Variants in ARHGAP25 observed in about 807,000 individuals in gnomAD.
The protein encoded by ARHGAP25 is rho GTPase-activating protein 25.
In ARHGAP25, 34 loss-of-function variants were observed where a neutral mutation model predicts 71.0. That is an observed-to-expected ratio of 0.48 (90% CI 0.36 to 0.64). The LOEUF is 0.64. Ranked by LOEUF, ARHGAP25 falls within the 30% of genes least tolerant of loss-of-function variation. The pLI, the probability that ARHGAP25 is intolerant of heterozygous loss-of-function variation, is 0.00. For synonymous variants in ARHGAP25, 282 were observed against 296.5 expected (o/e 0.95, Z 0.50); for missense variants, 706 against 805.1 (o/e 0.88, Z 1.49).
chr2:68,771,316 G>T (rs554977150), intron 1 of ARHGAP25, among the ~76,000 whole-genome samples: 1 of 152,012 alleles, frequency 6.6e-6, no homozygotes, highest in African/African-American at 2.4e-5. Flanking sequence ...CCAACCCTCC[G>T]CCTGGTTCAG....
intron 2 of ARHGAP25, among the ~76,000 whole-genome samples, chr2:68,776,124 G>A (rs576246387): frequency 3.3e-5 from 5 of 152,100 alleles, no homozygotes; most frequent in African/African-American, 4.8e-5. Flanking sequence ...GAGAACGGCC[G>A]GTGCTAAGGC....
At position 68,782,925 on chromosome 2, in the gene ARHGAP25, C is replaced by T. The variant is rs1006723208; in HGVS notation, c.349+605C>T. ...GAGATGCTTCTACTCTTCTCCCTGT[C>T]TCTTGCTCCTCTGCTAGCCCTAGCC... On this transcript the variant is annotated intron_variant, in intron 3 of 10. Coordinates refer to ENST00000409202, the MANE Select transcript of ARHGAP25 (RefSeq NM_001007231.3). Among the ~76,000 whole-genome samples, 3 of 152,254 alleles carry T rather than the reference C, an allele frequency of 2.0e-5. No individual in the cohort carries two copies. The South Asian group carries it at 6.2e-4, about 31-fold the overall frequency.
intron 3 of ARHGAP25, among the ~76,000 whole-genome samples, chr2:68,785,692 C>G (rs1273903749): frequency 6.6e-6 from 1 of 151,978 alleles, no homozygotes; most frequent in Non-Finnish European, 1.5e-5. Context: ...TAAGGACTCC[C>G]CACTCAACTT....
chr2:68,816,331 G>A lies in ARHGAP25; in HGVS notation c.850G>A (p.Asp284Asn), dbSNP rs571854093. The change falls in exon 7 of 11, where the codon GAC becomes AAC. Residue 284 changes from aspartate (D) to asparagine (N), a missense_variant. By Grantham distance (23) the Asp-to-Asn change is conservative. Transcript: ENST00000409202. ...LMKQLSILPR[D>N]NYSLLSYICR... is the part of the protein sequence containing the mutation. ...GAAGCAGCTCTCCATCCTTCCTCGT[G>A]ACAACTATAGTCTCCTGAGCTACAT... The A allele has an allele frequency of 3.1e-6, 5 of 1,613,886 alleles. No homozygotes were observed. In the African/African-American group the frequency reaches 5.3e-5, roughly 17 times the overall value.
intron 5 of ARHGAP25, among the ~76,000 whole-genome samples, chr2:68,813,051 T>G (rs937710653): frequency 1.3e-5 from 2 of 152,240 alleles, no homozygotes; most frequent in African/African-American, 4.8e-5. Context: ...ACCTTGAACT[T>G]ACCTTTGAGG....
intron 9 of ARHGAP25, among the ~76,000 whole-genome samples, chr2:68,820,500 T>A (rs918760921): frequency 2.6e-5 from 4 of 152,156 alleles, no homozygotes; most frequent in Non-Finnish European, 5.9e-5. Flanking sequence ...AGCAAGCAAT[T>A]GGCTGCAAAG....
At chr2:68,760,877 A>C (rs1676769625) in intron 1 of ARHGAP25, among the ~76,000 whole-genome samples, 1 of 124,354 alleles carries the variant, frequency 8.0e-6, no homozygotes, top group South Asian at 2.9e-4. Context: ...AAAAAAAAAA[A>C]AAAATTTTTG....
At chr2:68,735,324 T>C in intron 1 of ARHGAP25, 64 bp downstream of exon 1, 1 of 1,509,750 alleles carries the variant, frequency 6.6e-7, no homozygotes, top group South Asian at 1.1e-5. Flanking sequence ...CATTTGCATG[T>C]TGGTCTGCAG....
At chr2:68,781,718 A>C (rs1260243796) in intron 2 of ARHGAP25, among the ~76,000 whole-genome samples, 1 of 152,208 alleles carries the variant, frequency 6.6e-6, no homozygotes, top group Non-Finnish European at 1.5e-5. Flanking sequence ...ACATAATGAT[A>C]CTTTCCTTAG....
chr2:68,738,288 G>A (rs951868738), intron 1 of ARHGAP25, among the ~76,000 whole-genome samples: 5 of 152,152 alleles, frequency 3.3e-5, no homozygotes, highest in African/African-American at 4.8e-5. Flanking sequence ...AGGTTACAGG[G>A]CTTTCTTGAA....
chr2:68,752,751 G>T (rs1676250580), intron 1 of ARHGAP25, among the ~76,000 whole-genome samples: 1 of 150,048 alleles, frequency 6.7e-6, no homozygotes, highest in African/African-American at 2.5e-5. Context: ...AAATGTGCTT[G>T]ATTTCTACTC....
chr2:68,741,625 C>T (rs1034505215), intron 1 of ARHGAP25, among the ~76,000 whole-genome samples: 5 of 152,076 alleles, frequency 3.3e-5, no homozygotes, highest in South Asian at 4.2e-4. Flanking sequence ...AGGCTGGTCT[C>T]GAACTCCTGG....
intron 3 of ARHGAP25, among the ~76,000 whole-genome samples, chr2:68,785,585 A>G (rs1355944705): frequency 1.3e-5 from 2 of 151,094 alleles, no homozygotes. Context: ...GACATATTAA[A>G]TAATATCTCC....
At chr2:68,769,285 A>G (rs374580319) in intron 1 of ARHGAP25, among the ~76,000 whole-genome samples, 291 of 152,244 alleles carry the variant, frequency 1.9e-3, no homozygotes, top group Non-Finnish European at 3.4e-3. Flanking sequence ...TAATAATGTT[A>G]ATAATAATAG....
Position 68,813,371 on chromosome 2 carries a change from C to CA in ARHGAP25, c.759_760insA (p.Glu254ArgfsTer14). The CA allele has an allele frequency of 6.2e-7, 1 of 1,613,472 alleles. No homozygotes were observed. The highest frequency in any genetic ancestry group is 8.5e-7 in the Non-Finnish European group (1 of 1,179,888). ...AGCCCGTGGTTCCCTGGAGCCAGTA[C>CA]GAAGGGTTCCTGCTCTGTGGGCAGC... On this transcript the variant is annotated frameshift_variant, in exon 6 of 11. Transcript: ENST00000409202. LOFTEE classifies it high-confidence loss of function.
At chr2:68,815,082 G>C (rs1681103121) in intron 6 of ARHGAP25, among the ~76,000 whole-genome samples, 1 of 152,230 alleles carries the variant, frequency 6.6e-6, no homozygotes, top group African/African-American at 2.4e-5. Flanking sequence ...CTGACAATAA[G>C]ATTCCCACCC....
intron 1 of ARHGAP25, among the ~76,000 whole-genome samples, chr2:68,749,912 G>A (rs774136126): frequency 1.1e-4 from 16 of 152,166 alleles, no homozygotes; most frequent in Non-Finnish European, 2.2e-4. Flanking sequence ...TTATCATAGT[G>A]GTTTTGAGTT....
chr2:68,792,271 AG>A (rs1430372801), intron 4 of ARHGAP25, among the ~76,000 whole-genome samples: 1 of 152,212 alleles, frequency 6.6e-6, no homozygotes, highest in Non-Finnish European at 1.5e-5. Context: ...TATTATTATT[AG>A]TATAAATTTA....
intron 3 of ARHGAP25, among the ~76,000 whole-genome samples, chr2:68,786,301 G>A (rs952921893): frequency 5.3e-5 from 8 of 152,238 alleles, no homozygotes; most frequent in South Asian, 4.1e-4. Context: ...GAGACGGAGC[G>A]GGGAAAGACA....
Sources: gnomAD v4.1 joint callset for allele counts (sites outside exome capture counted in the v4.1 genomes callset) on GRCh38, gnomAD v4.1.1 for gene constraint, MANE v1.5 for transcripts, NCBI Gene and HGNC (gene_info 2026-07-23, HGNC 2026-07-21) for gene names.